Variants in DDX60L observed in about 807,000 individuals in gnomAD.
DDX60L encodes probable ATP-dependent RNA helicase DDX60-like.
A neutral mutation model predicts 211.6 loss-of-function variants in DDX60L; 191 were observed. The ratio of observed to expected loss-of-function variants is 0.90; its 90% CI spans 0.80 to 1.02. The LOEUF is 1.02. DDX60L is among the 50% of genes least tolerant of loss of function. The pLI, the probability that DDX60L is intolerant of heterozygous loss-of-function variation, is 0.00. For synonymous variants in DDX60L, 706 were observed against 694.1 expected (o/e 1.02, Z -0.27); for missense variants, 2,007 against 1,984.1 (o/e 1.01, Z -0.22).
At chr4:168,479,818 TAAAAAATA>T (rs1760154703) in intron 1 of DDX60L, among the ~76,000 whole-genome samples, 7 of 148,204 alleles carry the variant, frequency 4.7e-5, no homozygotes, top group African/African-American at 1.7e-4. Context: ...AAATAAAAAA[TAAAAAATA>T]AAAAAAAATT....
At chr4:168,360,181 A>G (rs945201498) in intron 37 of DDX60L, among the ~76,000 whole-genome samples, 1 of 152,200 alleles carries the variant, frequency 6.6e-6, no homozygotes, top group Admixed American at 6.5e-5. Context: ...AGTTTCTCCC[A>G]TGACATTGAA....
intron 26 of DDX60L, among the ~76,000 whole-genome samples, chr4:168,397,887 G>A (rs1030602053): frequency 2.3e-4 from 35 of 152,170 alleles, no homozygotes; most frequent in African/African-American, 8.2e-4. Flanking sequence ...CACAGCTGTA[G>A]CCACCCAAGC....
rs1404859314 is a variant in DDX60L at position 168,441,578 on chromosome 4, AGCTCTGG to A, written c.1139-93_1139-87del. On this transcript the variant is annotated intron_variant, in intron 9 of 37. Transcript: ENST00000682922. ...GCATCTTTTTTGAATAAATTCATAG[AGCTCTGG>A]AAAGATGATCAAATATGGAAACTTA... The A allele has an allele frequency of 4.4e-5, 49 of 1,107,744 alleles. No individual in the cohort carries two copies. The East Asian group carries it at 1.2e-3, about 27-fold the overall frequency. 68.6% of individuals were successfully genotyped at this position (1,107,744 alleles called of 1,614,324 possible).
chr4:168,456,192 G>C (rs747548509), intron 6 of DDX60L, 40 bp from the exon 7 acceptor site: 3 of 1,284,568 alleles, frequency 2.3e-6, no homozygotes, highest in Non-Finnish European at 3.2e-6. Context: ...AAATTATTTA[G>C]AAATATTCTT....
intron 25 of DDX60L, among the ~76,000 whole-genome samples, chr4:168,402,282 C>T (rs1470100834): frequency 6.6e-6 from 1 of 151,950 alleles, no homozygotes; most frequent in African/African-American, 2.4e-5. Context: ...TATGCAACAC[C>T]CACATACTAC....
intron 22 of DDX60L, among the ~76,000 whole-genome samples, chr4:168,408,162 C>T (rs961898661): frequency 1.3e-5 from 2 of 152,272 alleles, no homozygotes; most frequent in East Asian, 3.9e-4. Context: ...CAAGTACATA[C>T]TAATGCTGTG....
At chr4:168,371,513 TA>T in intron 36 of DDX60L, 98 bp downstream of exon 36, 1 of 479,690 alleles carries the variant, frequency 2.1e-6, no homozygotes, top group Non-Finnish European at 3.3e-6. Flanking sequence ...CTATATAATG[TA>T]AATTATATGC....
chr4:168,423,919 A>G (rs753860342), intron 14 of DDX60L, 145 bp from the exon 15 acceptor site: 459 of 515,360 alleles, frequency 8.9e-4, no homozygotes, highest in Admixed American at 2.2e-3. Flanking sequence ...TTAGAGCATT[A>G]AAAACTAAAA....
chr4:168,450,295 G>C (rs980404228), intron 8 of DDX60L, among the ~76,000 whole-genome samples: 70 of 152,108 alleles, frequency 4.6e-4, no homozygotes, highest in African/African-American at 1.6e-3. Flanking sequence ...TCCCCATCCA[G>C]GAACTGACTC....
In DDX60L at chr4:168,434,087, C is replaced by T. The variant is rs560368779; in HGVS notation, c.1295-972G>A. 6.6e-5 allele frequency among the ~76,000 whole-genome samples: 10 copies of T among 151,716 alleles called. No individual in the cohort carries two copies. In the South Asian group the frequency reaches 8.3e-4, roughly 13 times the overall value. On this transcript the variant is annotated intron_variant, in intron 10 of 37. Coordinates refer to ENST00000682922, the MANE Select transcript of DDX60L (RefSeq NM_001012967.3). ...AGAGAACTTTGTTTTTGGTTTGCTG[C>T]GGTTGCACTATAATGTATCTAGTGG...
intron 4 of DDX60L, among the ~76,000 whole-genome samples, chr4:168,463,702 C>A (rs565194662): frequency 1.3e-5 from 2 of 152,242 alleles, no homozygotes; most frequent in South Asian, 4.1e-4. Context: ...ACTGCTTTCA[C>A]TTTTAATGGT....
chr4:168,478,409 C>T (rs10002007), intron 1 of DDX60L, among the ~76,000 whole-genome samples: 3,657 of 152,186 alleles, frequency 0.024, 124 homozygotes, highest in African/African-American at 0.079. Flanking sequence ...AGGGAACTAA[C>T]TAGAGCATAA....
At chr4:168,456,577 G>C (rs1168068405) in intron 6 of DDX60L, among the ~76,000 whole-genome samples, 1 of 152,084 alleles carries the variant, frequency 6.6e-6, no homozygotes, top group Admixed American at 6.5e-5. Context: ...ATTGTGTGGT[G>C]AGTCACCTCT....
intron 3 of DDX60L, 111 bp downstream of exon 3, chr4:168,472,344 T>A: frequency 2.5e-6 from 2 of 801,976 alleles, no homozygotes; most frequent in Non-Finnish European, 4.0e-6. Flanking sequence ...TCCAAGCTGC[T>A]CCAAGATAAA....
intron 7 of DDX60L, among the ~76,000 whole-genome samples, chr4:168,453,780 G>A (rs1216524245): frequency 2.0e-5 from 3 of 152,132 alleles, no homozygotes; most frequent in Non-Finnish European, 4.4e-5. Flanking sequence ...CATATGGAAG[G>A]TTAAAAAAAC....
chr4:168,471,518 T>C (rs949358752), intron 4 of DDX60L: 2 of 368,608 alleles, frequency 5.4e-6, no homozygotes, highest in Non-Finnish European at 9.5e-6. Context: ...GCCTGATCTA[T>C]ATTGTGAATG....
chr4:168,400,731 T>C, intron 26 of DDX60L, 95 bp downstream of exon 26: 1 of 1,108,122 alleles, frequency 9.0e-7, no homozygotes, highest in Non-Finnish European at 1.3e-6. Flanking sequence ...AACAAGAACC[T>C]CTTTGTGGCT....
intron 9 of DDX60L, among the ~76,000 whole-genome samples, chr4:168,445,341 A>T (rs13104270): frequency 0.32 from 35,977 of 113,072 alleles, 7,256 homozygotes; most frequent in East Asian, 0.5. Context: ...AGAAGTTGAA[A>T]CTCTGAATAG....
chr4:168,426,874 AC>A, intron 14 of DDX60L, among the ~76,000 whole-genome samples, 195 bp downstream of exon 14: 1 of 152,190 alleles, frequency 6.6e-6, no homozygotes, highest in African/African-American at 2.4e-5. Flanking sequence ...CCCTGTTGGG[AC>A]CCTCTGTCTA....
Sources: gnomAD v4.1 joint callset for allele counts (sites outside exome capture counted in the v4.1 genomes callset) on GRCh38, gnomAD v4.1.1 for gene constraint, MANE v1.5 for transcripts, NCBI Gene and HGNC (gene_info 2026-07-23, HGNC 2026-07-21) for gene names.